The following MESD variants were observed in gnomAD, a reference collection of about 807,000 sequenced individuals.
The protein encoded by MESD is mesoderm development LRP chaperone.
A neutral mutation model predicts 12.9 loss-of-function variants in MESD; 7 were observed. The observed-to-expected ratio is 0.54, with a 90% CI of 0.31 to 1.02. The LOEUF (loss-of-function observed/expected upper bound fraction) is 1.02. Ranked by LOEUF, MESD falls within the 50% of genes least tolerant of loss-of-function variation. MESD has a pLI of 0.05. For missense variants in MESD, 342 were observed against 296.7 expected, an observed-to-expected ratio of 1.15 and a Z score of -1.12; for synonymous variants, 126 against 115.6, an observed-to-expected ratio of 1.09 and a Z score of -0.58.
intron 2 of MESD, among the ~76,000 whole-genome samples, chr15:80,980,607 A>C (rs1902548141): frequency 6.6e-6 from 1 of 152,142 alleles, no homozygotes; most frequent in Admixed American, 6.5e-5. Context: ...AAAGATCCAA[A>C]GATAAATAAA....
chr15:80,970,068 C>G (rs1902253288), intron 3 of MESD, among the ~76,000 whole-genome samples: 1 of 152,068 alleles, frequency 6.6e-6, no homozygotes, highest in Non-Finnish European at 1.5e-5. Context: ...CAAGAGAATT[C>G]AGAGAGAGAG....
intron 3 of MESD, among the ~76,000 whole-genome samples, chr15:80,955,918 G>T (rs886929288): frequency 6.6e-6 from 1 of 152,094 alleles, no homozygotes; most frequent in Non-Finnish European, 1.5e-5. Context: ...CACTGCGCCC[G>T]GCTGAGAAGT....
Position 80,976,942 on chromosome 15 carries a change from G to A in MESD, c.*2277C>T, listed in dbSNP as rs921532538. 6.6e-6 allele frequency: 1 copy of A among 152,366 alleles called. No homozygotes were observed. Among genetic ancestry groups the A allele is most frequent in the African/African-American group, 2.4e-5 (1 of 41,422 alleles). 9.4% of individuals were successfully genotyped at this position (152,366 alleles called of 1,614,324 possible). ...TCCCAGCTCACGGCTCACACCTGCT[G>A]GGGTCCTCTTCTGATCACTTCTCCT... On this transcript the variant is annotated 3_prime_UTR_variant, in exon 3 of 3. Coordinates refer to ENST00000261758, the MANE Select transcript of MESD (RefSeq NM_015154.3).
At chr15:80,947,133 T>G, downstream of MESD, 1 of 1,002,238 alleles carries the variant, frequency 1.0e-6, no homozygotes, top group East Asian at 2.5e-5. Flanking sequence ...GCATGGAGGG[T>G]GCTGTCATCT....
Position 80,978,994 on chromosome 15 carries a change from T to A in MESD, c.*225A>T, listed in dbSNP as rs939609330. The A allele has an allele frequency of 1.5e-5, 9 of 581,184 alleles. No individual in the cohort carries two copies. The highest frequency in any genetic ancestry group is 1.5e-4 in the East Asian group (5 of 34,274). The allele number at this position is 581,184 out of a possible 1,614,324, so 36.0% of individuals were successfully genotyped here. On this transcript the variant is annotated 3_prime_UTR_variant, in exon 3 of 3. Transcript: ENST00000261758. ...ATGTAAGGAGATTTTATAGTAAACA[T>A]GAATTTGTCAGTGTCCAGTATTAAT...
chr15:80,948,053 T>G (rs1306595602), exon 5 of MESD: 2 of 153,352 alleles, frequency 1.3e-5, no homozygotes, highest in African/African-American at 4.8e-5. Context: ...GAAGTATCCT[T>G]TCCAGCCCAG....
At chr15:80,984,150 C>T (rs541233551) in intron 1 of MESD, among the ~76,000 whole-genome samples, 3 of 152,192 alleles carry the variant, frequency 2.0e-5, no homozygotes, top group East Asian at 1.9e-4. Flanking sequence ...CTGCCCACCT[C>T]GGCCTCCCAA....
chr15:80,968,544 G>A (rs1479085676), intron 3 of MESD, among the ~76,000 whole-genome samples: 1 of 152,192 alleles, frequency 6.6e-6, no homozygotes, highest in Non-Finnish European at 1.5e-5. Flanking sequence ...CAGGCACAGT[G>A]GCTCACACCT....
At chr15:80,954,261 G>A (rs1326012715) in intron 3 of MESD, among the ~76,000 whole-genome samples, 5 of 152,190 alleles carry the variant, frequency 3.3e-5, no homozygotes. Flanking sequence ...CCTCCAGACT[G>A]TAGCCTCCTG....
At chr15:80,973,768 T>C (rs1902343466), downstream of MESD, among the ~76,000 whole-genome samples, 1 of 152,212 alleles carries the variant, frequency 6.6e-6, no homozygotes, top group Admixed American at 6.5e-5. Context: ...TTTTGTTTTT[T>C]TTTTAAAGAA....
rs536001015 is a variant in MESD at position 80,961,969 on chromosome 15, G to C, written c.*289-9673C>G. Among the ~76,000 whole-genome samples, 13 of 152,274 alleles carry C rather than the reference G, an allele frequency of 8.5e-5. No homozygotes were observed. The South Asian group carries it at 2.7e-3, about 32-fold the overall frequency. ...ATAACCAGCTAGCATCATCATAACAGGATCAAATTCACACATAACAATATT... is the reference window on the plus strand; with the variant it reads ...ATAACCAGCTAGCATCATCATAACACGATCAAATTCACACATAACAATATT... On this transcript the variant is annotated intron_variant, in intron 3 of 4. Coordinates refer to the MESD transcript ENST00000561312.
chr15:80,981,352 G>T (rs1191388961), intron 2 of MESD, among the ~76,000 whole-genome samples: 5 of 150,144 alleles, frequency 3.3e-5, no homozygotes, highest in African/African-American at 4.9e-5. Flanking sequence ...CAGGAGAATG[G>T]CGTGAACCGG....
Position 80,976,542 on chromosome 15 carries a change from G to C in MESD, c.*2677C>G, listed in dbSNP as rs1337942424. 1 of 152,218 alleles carries C rather than the reference G, an allele frequency of 6.6e-6. No individual in the cohort carries two copies. Among genetic ancestry groups the C allele is most frequent in the Non-Finnish European group, 1.5e-5 (1 of 68,056 alleles). 9.4% of individuals were successfully genotyped at this position (152,218 alleles called of 1,614,324 possible). A position where few individuals can be genotyped will look rare whatever the true frequency, so the allele number is the denominator to read the frequency against. On this transcript the variant is annotated 3_prime_UTR_variant, in exon 3 of 3. Transcript: ENST00000261758. Reference sequence around the variant, plus strand: ...TCTCCAGTATGGTGGCTTCAGGGTAGCCAATTAAGATATGGTTTTACAATC... The same window carrying C: ...TCTCCAGTATGGTGGCTTCAGGGTACCCAATTAAGATATGGTTTTACAATC...
At chr15:80,948,535 G>A in exon 5 of MESD, 1 of 521,582 alleles carries the variant, frequency 1.9e-6, no homozygotes, top group Non-Finnish European at 3.5e-6. Flanking sequence ...TTCCTGCTGT[G>A]CATGGCTCCC....
chr15:80,968,739 T>A (rs1295310559), intron 3 of MESD, among the ~76,000 whole-genome samples: 2 of 152,244 alleles, frequency 1.3e-5, no homozygotes, highest in Non-Finnish European at 1.5e-5. Context: ...TGGGAACTTT[T>A]ATTAGCACCT....
chr15:80,978,044 A>G lies in MESD; in HGVS notation c.*1175T>C, dbSNP rs756165907. 3 of 152,184 alleles carry G rather than the reference A, an allele frequency of 2.0e-5. No individual in the cohort carries two copies. The highest frequency in any genetic ancestry group is 4.4e-5 in the Non-Finnish European group (3 of 68,042). The allele number at this position is 152,184 out of a possible 1,614,324, so 9.4% of individuals were successfully genotyped here. A position where few individuals can be genotyped will look rare whatever the true frequency, so the allele number is the denominator to read the frequency against. ...CATACATCACCATAAGTACATTTAC[A>G]TAAGTAAATGTACTTTTTTTTGGTG... is the stretch of plus-strand genomic sequence containing the variant. On this transcript the variant is annotated 3_prime_UTR_variant, in exon 3 of 3. Transcript: ENST00000261758.
chr15:80,983,020 T>C (rs368600913), intron 1 of MESD, among the ~76,000 whole-genome samples: 48 of 152,186 alleles, frequency 3.2e-4, no homozygotes, highest in African/African-American at 7.5e-4. Flanking sequence ...GGTGGGAGAA[T>C]TGCTTGAGCC....
chr15:80,980,528 C>T (rs1462869830), intron 2 of MESD, among the ~76,000 whole-genome samples: 1 of 152,188 alleles, frequency 6.6e-6, no homozygotes, highest in Non-Finnish European at 1.5e-5. Flanking sequence ...AGCTGTCAAA[C>T]TATTAACTTT....
exon 4 of MESD, chr15:80,952,191 G>A (rs1312882801): frequency 2.2e-6 from 1 of 456,292 alleles, no homozygotes; most frequent in Middle Eastern, 3.3e-4. Context: ...CGTTTGACAA[G>A]AGCATGGGGG....
Sources: allele counts gnomAD v4.1 joint callset (sites outside exome capture counted in the v4.1 genomes callset), GRCh38; gene constraint gnomAD v4.1.1; transcripts MANE v1.5; gene names NCBI Gene and HGNC (gene_info 2026-07-23, HGNC 2026-07-21).